The following DGKI variants were observed in gnomAD, a reference collection of about 807,000 sequenced individuals.
DGKI encodes the protein diacylglycerol kinase iota, also known as DAG kinase iota.
Under a neutral mutation model 147.5 loss-of-function variants are expected in DGKI, and 55 were observed. That is an observed-to-expected ratio of 0.37 (90% confidence interval 0.30 to 0.47). DGKI has a LOEUF of 0.47. Among genes scored for constraint, DGKI ranks in the 20% least tolerant of loss-of-function variants. The pLI, the probability that DGKI is intolerant of heterozygous loss-of-function variation, is 1.00. For missense variants in DGKI, 1,007 were observed against 1,323.8 expected, an observed-to-expected ratio of 0.76 and a Z score of 3.71; for synonymous variants, 469 against 477.1, an observed-to-expected ratio of 0.98 and a Z score of 0.22.
At chr7:137,525,673 A>C (rs1263924559) in intron 20 of DGKI, among the ~76,000 whole-genome samples, 1 of 152,222 alleles carries the variant, frequency 6.6e-6, no homozygotes, top group African/African-American at 2.4e-5. Context: ...TAAATGAGCC[A>C]ATACATGTGA....
Position 137,413,331 on chromosome 7 carries a change from T to A in DGKI, c.2762-1124A>T, listed in dbSNP as rs551931937. On this transcript the variant is annotated intron_variant, in intron 28 of 32. Coordinates refer to ENST00000614521, the MANE Select transcript of DGKI (RefSeq NM_001321708.2). ...TCAGGGGATGCATGTGCAGGTTTGT[T>A]ACAAGGATATATTGCATGACGCTGA... is the stretch of plus-strand genomic sequence containing the variant. Among the ~76,000 whole-genome samples the A allele has an allele frequency of 3.3e-5, 5 of 152,080 alleles. No individual in the cohort carries two copies. The South Asian group carries it at 1.0e-3, about 32-fold the overall frequency.
intron 1 of DGKI, among the ~76,000 whole-genome samples, chr7:137,695,859 C>T (rs555501217): frequency 2.6e-4 from 39 of 152,306 alleles, no homozygotes; most frequent in Non-Finnish European, 4.6e-4. Flanking sequence ...GTTAAGCACA[C>T]ACCTTACCTT....
intron 23 of DGKI, among the ~76,000 whole-genome samples, chr7:137,479,335 C>G (rs1815289634): frequency 6.6e-6 from 1 of 151,884 alleles, no homozygotes; most frequent in African/African-American, 2.4e-5. Context: ...ATACGTGAAT[C>G]TTCTCTTATG....
chr7:137,688,520 T>G (rs1264259302), intron 2 of DGKI, among the ~76,000 whole-genome samples: 2 of 152,220 alleles, frequency 1.3e-5, no homozygotes, highest in African/African-American at 4.8e-5. Flanking sequence ...AGGGATTTAA[T>G]GAATGTTCGC....
At chr7:137,409,185 C>T (rs374949086) in intron 29 of DGKI, among the ~76,000 whole-genome samples, 6 of 152,176 alleles carry the variant, frequency 3.9e-5, no homozygotes, top group East Asian at 1.9e-4. Context: ...TCACTGTATA[C>T]GTATCAAAAC....
chr7:137,791,574 A>C (rs1382697427), intron 1 of DGKI, among the ~76,000 whole-genome samples: 1 of 152,226 alleles, frequency 6.6e-6, no homozygotes, highest in Non-Finnish European at 1.5e-5. Context: ...AGATCCTATA[A>C]GATTTCTTAA....
chr7:137,555,160 C>T (rs1585226343), intron 19 of DGKI, among the ~76,000 whole-genome samples: 3 of 151,640 alleles, frequency 2.0e-5, no homozygotes, highest in African/African-American at 2.4e-5. Context: ...GTGATCCTCC[C>T]GCCTCGGCCT....
intron 27 of DGKI, among the ~76,000 whole-genome samples, chr7:137,453,793 C>T (rs1390056880): frequency 1.3e-5 from 2 of 152,096 alleles, no homozygotes; most frequent in African/African-American, 4.8e-5. Flanking sequence ...ATAAAGGCTG[C>T]TTGGTGAGTT....
intron 20 of DGKI, among the ~76,000 whole-genome samples, chr7:137,546,410 A>G (rs1424868534): frequency 6.6e-6 from 1 of 152,218 alleles, no homozygotes; most frequent in African/African-American, 2.4e-5. Context: ...CACAGCCATC[A>G]GGTTTCCCCA....
At chr7:137,442,210 T>C (rs1813537371) in intron 28 of DGKI, among the ~76,000 whole-genome samples, 1 of 152,206 alleles carries the variant, frequency 6.6e-6, no homozygotes, top group Admixed American at 6.5e-5. Context: ...TCAATAATGT[T>C]TCTTCAACTA....
chr7:137,453,856 T>A (rs1239920590), intron 27 of DGKI, among the ~76,000 whole-genome samples: 1 of 152,096 alleles, frequency 6.6e-6, no homozygotes, highest in Non-Finnish European at 1.5e-5. Flanking sequence ...AATTTCCCAG[T>A]CTTTAAGACT....
At chr7:137,615,436 T>C (rs1820496253) in intron 8 of DGKI, among the ~76,000 whole-genome samples, 1 of 152,056 alleles carries the variant, frequency 6.6e-6, no homozygotes, top group South Asian at 2.1e-4. Flanking sequence ...TAAATTAACA[T>C]GAACTGAATT....
chr7:137,813,716 CTT>C (rs1482181724), intron 1 of DGKI, among the ~76,000 whole-genome samples: 1 of 152,176 alleles, frequency 6.6e-6, no homozygotes, highest in East Asian at 1.9e-4. Flanking sequence ...CTTAAAAGAG[CTT>C]TTGCCATGAG....
At chr7:137,643,009 G>A (rs1373249383) in intron 6 of DGKI, among the ~76,000 whole-genome samples, 4 of 150,070 alleles carry the variant, frequency 2.7e-5, no homozygotes, top group Non-Finnish European at 5.9e-5. Flanking sequence ...CTATGAATAT[G>A]GGCCGGGCGC....
At chr7:137,391,590 T>C (rs1018006300) in intron 32 of DGKI, among the ~76,000 whole-genome samples, 1 of 151,968 alleles carries the variant, frequency 6.6e-6, no homozygotes, top group Non-Finnish European at 1.5e-5. Context: ...TTATCACTTT[T>C]GACGGGTGGG....
At chr7:137,484,325 T>A (rs546668251) in intron 23 of DGKI, among the ~76,000 whole-genome samples, 1 of 152,172 alleles carries the variant, frequency 6.6e-6, no homozygotes, top group East Asian at 1.9e-4. Context: ...AAATTGGAAA[T>A]TTCAGGCATG....
intron 1 of DGKI, chr7:137,722,170 A>G (rs1452742070): frequency 6.2e-7 from 1 of 1,600,628 alleles, no homozygotes. Context: ...CCGATCTGCT[A>G]TGTATTCCAG....
intron 24 of DGKI, 148 bp downstream of exon 24, chr7:137,469,402 T>C: frequency 2.8e-6 from 2 of 714,044 alleles, no homozygotes; most frequent in Non-Finnish European, 4.7e-6. Context: ...CAGGCCCACA[T>C]TGTTCCGCAT....
chr7:137,623,402 C>T, intron 7 of DGKI, 81 bp downstream of exon 7: 3 of 1,356,554 alleles, frequency 2.2e-6, no homozygotes, highest in African/African-American at 1.4e-5. Flanking sequence ...CCTTCTACTT[C>T]CAGGGAGAAA....
Sources: allele counts gnomAD v4.1 joint callset (sites outside exome capture counted in the v4.1 genomes callset), GRCh38; gene constraint gnomAD v4.1.1; transcripts MANE v1.5; gene names NCBI Gene and HGNC (gene_info 2026-07-23, HGNC 2026-07-21).